The following CSMD1 variants were observed in gnomAD, a reference collection of about 807,000 sequenced individuals.
CSMD1 encodes CUB and sushi domain-containing protein 1.
In CSMD1, 213 loss-of-function variants were observed where a neutral mutation model predicts 417.5. That is an observed-to-expected ratio of 0.51 (90% CI 0.46 to 0.57). The LOEUF (loss-of-function observed/expected upper bound fraction) is 0.57, where lower values mean the gene tolerates loss of function less well. Among genes scored for constraint, CSMD1 ranks in the 20% least tolerant of loss-of-function variants. CSMD1 has a pLI of 0.00. For synonymous variants in CSMD1, 2,862 were observed against 1,736.8 expected (o/e 1.65, Z -16.11); for missense variants, 6,923 against 4,529.7 (o/e 1.53, Z -15.17).
chr8:4,931,822 G>A (rs1292885614), intron 1 of CSMD1, among the ~76,000 whole-genome samples: 1 of 152,152 alleles, frequency 6.6e-6, no homozygotes, highest in East Asian at 1.9e-4. Context: ...AGCTTGTTAA[G>A]AGTTTTAAAA....
intron 1 of CSMD1, among the ~76,000 whole-genome samples, chr8:4,754,300 G>A (rs939201334): frequency 6.6e-6 from 1 of 152,122 alleles, no homozygotes; most frequent in Non-Finnish European, 1.5e-5. Context: ...CTGTTACCCG[G>A]TAGAGAAAGT....
At chr8:4,583,960 C>G (rs1465003037) in intron 2 of CSMD1, among the ~76,000 whole-genome samples, 1 of 152,084 alleles carries the variant, frequency 6.6e-6, no homozygotes, top group Non-Finnish European at 1.5e-5. Context: ...TGCAGCTTCA[C>G]TCCTGAAGCC....
At chr8:4,591,071 T>C (rs976135472) in intron 2 of CSMD1, among the ~76,000 whole-genome samples, 1 of 152,222 alleles carries the variant, frequency 6.6e-6, no homozygotes, top group Non-Finnish European at 1.5e-5. Flanking sequence ...CCAACAGAAA[T>C]TCCCAGGATC....
chr8:4,323,621 C>G (rs1185288358), intron 3 of CSMD1, among the ~76,000 whole-genome samples: 1 of 151,936 alleles, frequency 6.6e-6, no homozygotes, highest in Non-Finnish European at 1.5e-5. Context: ...GCGACAGAAA[C>G]CAGAAGACAT....
At chr8:4,480,178 G>C (rs1801016182) in intron 2 of CSMD1, among the ~76,000 whole-genome samples, 1 of 137,276 alleles carries the variant, frequency 7.3e-6, no homozygotes, top group Non-Finnish European at 1.5e-5. Context: ...AGAGTGCATT[G>C]TTATCTCACA....
At position 3,600,790 on chromosome 8, in the gene CSMD1, AATGTTTTGTAACATTCATATGC is replaced by A. The variant is rs377498228; in HGVS notation, c.1098-14552_1098-14531del. ...AAATAGCAGTCATTGTTCTTCCATG[AATGTTTTGTAACATTCATATGC>A]ATGTTTTGCAACATTCATATGCATG... On this transcript the variant is annotated intron_variant, in intron 8 of 69. Coordinates refer to ENST00000635120, the MANE Select transcript of CSMD1 (RefSeq NM_033225.6). Among the ~76,000 whole-genome samples the A allele has an allele frequency of 1.6e-3, 237 of 151,932 alleles. 1 individual carries two copies. The highest frequency in any genetic ancestry group is 5.1e-3 in the African/African-American group (212 of 41,244).
At chr8:4,909,461 A>G (rs1034838113) in intron 1 of CSMD1, among the ~76,000 whole-genome samples, 7 of 152,170 alleles carry the variant, frequency 4.6e-5, no homozygotes, top group Non-Finnish European at 8.8e-5. Context: ...ACATGGAAGT[A>G]ACACCCTTCC....
At chr8:3,036,130 A>C (rs1328487973) in intron 50 of CSMD1, among the ~76,000 whole-genome samples, 2 of 152,248 alleles carry the variant, frequency 1.3e-5, no homozygotes, top group Non-Finnish European at 2.9e-5. Context: ...CAACAACACA[A>C]AATACTTTGC....
intron 3 of CSMD1, among the ~76,000 whole-genome samples, chr8:4,042,688 A>G (rs1797950642): frequency 6.6e-6 from 1 of 151,764 alleles, no homozygotes; most frequent in South Asian, 2.1e-4. Context: ...CAAATAATAT[A>G]TATTTTAGGT....
chr8:3,409,403 G>T lies in CSMD1; in HGVS notation c.1744+20C>A. On this transcript the variant is annotated intron_variant, in intron 13 of 69. Coordinates refer to ENST00000635120, the MANE Select transcript of CSMD1 (RefSeq NM_033225.6). ...TCCTTGCAGGACAGGAGGGAGTCCA[G>T]GTCAAGGCATAATACTCACATACAC... The T allele has an allele frequency of 1.3e-6, 2 of 1,593,722 alleles. No individual in the cohort carries two copies. Among genetic ancestry groups the T allele is most frequent in the African/African-American group, 2.7e-5 (2 of 74,700 alleles).
intron 8 of CSMD1, among the ~76,000 whole-genome samples, chr8:3,607,370 C>G (rs923867875): frequency 1.1e-4 from 17 of 152,284 alleles, no homozygotes; most frequent in African/African-American, 3.8e-4. Flanking sequence ...TTACAGTTAA[C>G]TTTTGTGTTT....
intron 2 of CSMD1, among the ~76,000 whole-genome samples, chr8:4,634,687 T>C (rs946993470): frequency 1.3e-5 from 2 of 152,336 alleles, no homozygotes; most frequent in African/African-American, 2.4e-5. Flanking sequence ...TTTCAAGGCA[T>C]AATGGGAAAC....
chr8:4,315,623 C>T (rs1027778697), intron 3 of CSMD1, among the ~76,000 whole-genome samples: 2 of 151,892 alleles, frequency 1.3e-5, no homozygotes, highest in Admixed American at 1.3e-4. Context: ...ACTTGGTTTC[C>T]AAAGATAAAA....
At chr8:4,476,610 G>C (rs1365983326) in intron 2 of CSMD1, among the ~76,000 whole-genome samples, 19 of 152,110 alleles carry the variant, frequency 1.2e-4, no homozygotes, top group Non-Finnish European at 2.8e-4. Flanking sequence ...AAAACACTGA[G>C]GGTTTGAGAC....
intron 7 of CSMD1, 37 bp from the exon 8 acceptor site, chr8:3,616,834 G>A (rs759823812): frequency 7.0e-7 from 1 of 1,433,792 alleles, no homozygotes; most frequent in Non-Finnish European, 9.7e-7. Flanking sequence ...ATGCTGTATA[G>A]TTATTGAGGA....
chr8:4,696,987 CA>C (rs1195864015), intron 1 of CSMD1, among the ~76,000 whole-genome samples: 12 of 152,074 alleles, frequency 7.9e-5, no homozygotes. Context: ...GCCTGACGAA[CA>C]TGGTGAAACC....
At chr8:3,695,160 G>C (rs1585089240) in intron 7 of CSMD1, among the ~76,000 whole-genome samples, 1 of 150,706 alleles carries the variant, frequency 6.6e-6, no homozygotes, top group African/African-American at 2.4e-5. Context: ...GGAGCACAGG[G>C]GGACATATTT....
intron 3 of CSMD1, among the ~76,000 whole-genome samples, chr8:4,419,563 A>T (rs1326728077): frequency 6.6e-6 from 1 of 152,186 alleles, no homozygotes; most frequent in East Asian, 1.9e-4. Flanking sequence ...CATTTAATGA[A>T]ATTTCCTTTA....
At chr8:3,052,389 C>T (rs917569205) in intron 50 of CSMD1, 73 bp downstream of exon 50, 3 of 1,246,550 alleles carry the variant, frequency 2.4e-6, no homozygotes, top group African/African-American at 1.5e-5. Flanking sequence ...AACGTGGGAA[C>T]CCGGACTTCT....
Sources: gnomAD v4.1 joint callset for allele counts (sites outside exome capture counted in the v4.1 genomes callset) on GRCh38, gnomAD v4.1.1 for gene constraint, MANE v1.5 for transcripts, NCBI Gene and HGNC (gene_info 2026-07-23, HGNC 2026-07-21) for gene names.